Variants in BDNF observed in about 807,000 individuals in gnomAD.
The protein encoded by BDNF is neurotrophic factor BDNF precursor form.
BDNF carries 1 observed loss-of-function variant against 19.5 expected under a neutral mutation model. The ratio of observed to expected loss-of-function variants is 0.05; its 90% CI spans 0.02 to 0.24. The LOEUF (loss-of-function observed/expected upper bound fraction) is 0.24, where lower values mean the gene tolerates loss of function less well. BDNF is among the 10% of genes least tolerant of loss of function. BDNF has a pLI of 1.00. For missense variants in BDNF, 195 were observed against 317.6 expected (o/e 0.61, Z 2.93); for synonymous variants, 100 against 121.6 (o/e 0.82, Z 1.17).
intron 1 of BDNF, among the ~76,000 whole-genome samples, chr11:27,673,698 T>C (rs879583775): frequency 6.6e-6 from 1 of 152,208 alleles, no homozygotes; most frequent in Non-Finnish European, 1.5e-5. Flanking sequence ...CAGTGTATTC[T>C]TGTGGTTAAT....
intron 1 of BDNF, among the ~76,000 whole-genome samples, chr11:27,712,307 TCA>T (rs910322914): frequency 1.3e-5 from 2 of 152,202 alleles, no homozygotes; most frequent in African/African-American, 4.8e-5. Flanking sequence ...CACCTTCATA[TCA>T]CGTCAGTTTT....
At chr11:27,671,401 A>T (rs1855359475) in intron 1 of BDNF, among the ~76,000 whole-genome samples, 1 of 152,088 alleles carries the variant, frequency 6.6e-6, no homozygotes, top group Admixed American at 6.6e-5. Flanking sequence ...CTGTACAGGG[A>T]TGATGACTCT....
At chr11:27,674,239 G>A in intron 1 of BDNF, 1 of 1,590,110 alleles carries the variant, frequency 6.3e-7, no homozygotes, top group Non-Finnish European at 8.6e-7. Context: ...GTAGTAACAA[G>A]GATTAACCTT....
intron 1 of BDNF, among the ~76,000 whole-genome samples, chr11:27,663,633 G>A (rs1485581011): frequency 6.6e-6 from 1 of 152,208 alleles, no homozygotes; most frequent in Non-Finnish European, 1.5e-5. Flanking sequence ...ATGCGTCAGA[G>A]AGGTTAGGTA....
chr11:27,698,300 G>T (rs1303815777), intron 1 of BDNF: 1 of 146,220 alleles, frequency 6.8e-6, no homozygotes, highest in Non-Finnish European at 1.5e-5. Context: ...AGGAACAGGA[G>T]TTTAGTGATT....
At chr11:27,700,959 C>T (rs1309569786), upstream of BDNF, 2 of 1,358,394 alleles carry the variant, frequency 1.5e-6, no homozygotes, top group South Asian at 2.3e-5. Context: ...GTTTCCCGGG[C>T]CACAGACACA....
At chr11:27,720,779 T>G (rs781407566) in intron 1 of BDNF, 10 of 986,616 alleles carry the variant, frequency 1.0e-5, no homozygotes, top group African/African-American at 5.2e-5. Context: ...TACTTGATAT[T>G]GCTCTAGACG....
At chr11:27,716,588 T>C (rs1440584057) in intron 1 of BDNF, among the ~76,000 whole-genome samples, 1 of 152,184 alleles carries the variant, frequency 6.6e-6, no homozygotes, top group Non-Finnish European at 1.5e-5. Flanking sequence ...CATTAAATTA[T>C]CCATAGAGTG....
In BDNF at chr11:27,700,385, CG is replaced by C. The variant is rs1395230483; in HGVS notation, c.-244del. On this transcript the variant is annotated 5_prime_UTR_variant, in exon 1 of 2. Coordinates refer to ENST00000356660, the MANE Select transcript of BDNF (RefSeq NM_001709.5). Reference sequence around the variant, plus strand: ...GGAGCCCGAGGCGCTACGGGGTGCGCGGGACAGCGAGCGGGCGGGTGCGCCC... The same window carrying C: ...GGAGCCCGAGGCGCTACGGGGTGCGCGGACAGCGAGCGGGCGGGTGCGCCC... The C allele has an allele frequency of 1.0e-6, 1 of 985,924 alleles. No homozygotes were observed. Among genetic ancestry groups the C allele is most frequent in the Non-Finnish European group, 1.2e-6 (1 of 830,290 alleles). 61.1% of individuals were successfully genotyped at this position (985,924 alleles called of 1,614,324 possible). A position where few individuals can be genotyped will look rare whatever the true frequency, so the allele number is the denominator to read the frequency against.
At position 27,655,417 on chromosome 11, in the gene BDNF, C is replaced by G. The variant is rs1005583504; in HGVS notation, c.*2404G>C. The G allele has an allele frequency of 1.3e-5, 2 of 152,360 alleles. No homozygotes were observed. The highest frequency in any genetic ancestry group is 4.8e-5 in the African/African-American group (2 of 41,446). The allele number at this position is 152,360 out of a possible 1,614,324, so 9.4% of individuals were successfully genotyped here. A position where few individuals can be genotyped will look rare whatever the true frequency, so the allele number is the denominator to read the frequency against. ...AACCACTTAACAGATCTGGCCCTTG[C>G]AATCCTTTAAGTTTGTGATGGGGGG... On this transcript the variant is annotated 3_prime_UTR_variant, in exon 2 of 2. Coordinates refer to ENST00000356660, the MANE Select transcript of BDNF (RefSeq NM_001709.5).
At chr11:27,670,430 G>C (rs1472839907) in intron 1 of BDNF, among the ~76,000 whole-genome samples, 1 of 152,142 alleles carries the variant, frequency 6.6e-6, no homozygotes, top group Non-Finnish European at 1.5e-5. Context: ...AAACTAAAGA[G>C]CTTCTGCACA....
chr11:27,699,290 A>C, intron 1 of BDNF: 1 of 1,542,934 alleles, frequency 6.5e-7, no homozygotes, highest in South Asian at 1.1e-5. Flanking sequence ...TTCCTTAGGG[A>C]TGCCCCTAGT....
At chr11:27,720,390 A>G in intron 1 of BDNF, 2 of 985,918 alleles carry the variant, frequency 2.0e-6, no homozygotes, top group Admixed American at 1.2e-4. Flanking sequence ...TCCTGGAGAT[A>G]AACACTTGCA....
intron 1 of BDNF, chr11:27,674,457 C>T (rs1855827146): frequency 2.8e-6 from 4 of 1,421,222 alleles, no homozygotes; most frequent in East Asian, 2.5e-5. Flanking sequence ...TGAAGTGTCA[C>T]GGTTCATTTC....
intron 1 of BDNF, chr11:27,691,252 C>T (rs1858236036): frequency 6.6e-6 from 1 of 152,074 alleles, no homozygotes; most frequent in African/African-American, 2.4e-5. Context: ...GACCAGTCCT[C>T]TTTGGGAGGG....
chr11:27,700,733 C>G, upstream of BDNF: 1 of 1,186,322 alleles, frequency 8.4e-7, no homozygotes, highest in Non-Finnish European at 1.1e-6. Context: ...CCTGGGGCGC[C>G]TTGGACAGGA....
chr11:27,698,282 C>G (rs1859419198), intron 1 of BDNF: 1 of 102,550 alleles, frequency 9.8e-6, no homozygotes, highest in Non-Finnish European at 2.1e-5. Context: ...TTTGCAAAAT[C>G]AGAAAACAGG....
chr11:27,703,745 AAAG>A (rs1293236185), upstream of BDNF, among the ~76,000 whole-genome samples: 4 of 152,234 alleles, frequency 2.6e-5, no homozygotes, highest in Non-Finnish European at 5.9e-5. Flanking sequence ...TTTAGAAAGA[AAAG>A]AAGATCAGAT....
upstream of BDNF, chr11:27,700,607 G>C: frequency 3.1e-6 from 3 of 973,806 alleles, no homozygotes; most frequent in Non-Finnish European, 3.6e-6. Context: ...AGGGAACGCC[G>C]CGTCTTTTCC....
Sources: allele counts gnomAD v4.1 joint callset (sites outside exome capture counted in the v4.1 genomes callset), GRCh38; gene constraint gnomAD v4.1.1; transcripts MANE v1.5; gene names NCBI Gene and HGNC (gene_info 2026-07-23, HGNC 2026-07-21).